Variants in NELL1 observed in about 807,000 individuals in gnomAD.
NELL1 encodes the protein protein kinase C-binding protein NELL1.
In NELL1, 76 loss-of-function variants were observed where a neutral mutation model predicts 107.4. The ratio of observed to expected loss-of-function variants is 0.71; its 90% confidence interval spans 0.59 to 0.86. The LOEUF is 0.86. Ranked by LOEUF, NELL1 falls within the 40% of genes least tolerant of loss-of-function variation. The probability of loss-of-function intolerance (pLI) is 0.00; values close to 1 mark genes in which losing one functional copy is unlikely to be tolerated. For missense variants in NELL1, 1,024 were observed against 1,005.5 expected (o/e 1.02, Z -0.25); for synonymous variants, 353 against 341.2 (o/e 1.03, Z -0.38).
intron 5 of NELL1, among the ~76,000 whole-genome samples, chr11:20,889,973 C>G (rs1231083483): frequency 6.6e-6 from 1 of 152,184 alleles, no homozygotes; most frequent in Admixed American, 6.5e-5. Flanking sequence ...GGTTTCCCCC[C>G]AGCAAAGCAC....
At chr11:21,123,991 C>T (rs1855430973) in intron 13 of NELL1, among the ~76,000 whole-genome samples, 1 of 152,026 alleles carries the variant, frequency 6.6e-6, no homozygotes, top group South Asian at 2.1e-4. Flanking sequence ...AATACATATG[C>T]ACATACACAT....
intron 13 of NELL1, among the ~76,000 whole-genome samples, chr11:21,131,187 T>G (rs1187751224): frequency 1.3e-5 from 2 of 152,152 alleles, no homozygotes; most frequent in Non-Finnish European, 2.9e-5. Context: ...GAAAATCATC[T>G]CTAATATGAG....
intron 15 of NELL1, among the ~76,000 whole-genome samples, chr11:21,508,947 G>A (rs1855366835): frequency 1.3e-5 from 2 of 152,054 alleles, no homozygotes; most frequent in South Asian, 4.1e-4. Context: ...ATTACCTTAT[G>A]TCCCTCAAAG....
At chr11:21,087,115 A>G (rs186590953) in intron 12 of NELL1, among the ~76,000 whole-genome samples, 1 of 152,350 alleles carries the variant, frequency 6.6e-6, no homozygotes, top group Admixed American at 6.5e-5. Flanking sequence ...CTGGGATTAC[A>G]GGCGTAAGGC....
At chr11:21,135,343 T>A (rs1230068034) in intron 13 of NELL1, among the ~76,000 whole-genome samples, 1 of 152,240 alleles carries the variant, frequency 6.6e-6, no homozygotes, top group Non-Finnish European at 1.5e-5. Context: ...GGATGTTAAC[T>A]CATGAAGAAC....
intron 3 of NELL1, among the ~76,000 whole-genome samples, chr11:20,796,063 A>G (rs971673411): frequency 6.6e-6 from 1 of 152,156 alleles, no homozygotes; most frequent in Non-Finnish European, 1.5e-5. Context: ...CAAGGCTCTC[A>G]GTAAATGTCA....
intron 4 of NELL1, among the ~76,000 whole-genome samples, chr11:20,878,687 A>G (rs1033001838): frequency 6.6e-6 from 1 of 152,196 alleles, no homozygotes; most frequent in African/African-American, 2.4e-5. Context: ...GTCACATTTG[A>G]CTATTTTTCT....
chr11:21,288,219 A>G (rs1282914804), intron 14 of NELL1, among the ~76,000 whole-genome samples: 1 of 152,166 alleles, frequency 6.6e-6, no homozygotes, highest in African/African-American at 2.4e-5. Flanking sequence ...AATCTATTGC[A>G]AAATGCTCTT....
At chr11:21,145,715 T>C (rs920022757) in intron 13 of NELL1, among the ~76,000 whole-genome samples, 1 of 152,168 alleles carries the variant, frequency 6.6e-6, no homozygotes, top group African/African-American at 2.4e-5. Flanking sequence ...GGCCCGTCCT[T>C]AACCTTTATA....
intron 2 of NELL1, among the ~76,000 whole-genome samples, chr11:20,735,038 TC>T: frequency 6.6e-6 from 1 of 152,174 alleles, no homozygotes; most frequent in East Asian, 1.9e-4. Context: ...CCTAGACTGA[TC>T]CCGGGATCTC....
At chr11:21,411,843 G>A (rs920131023) in intron 15 of NELL1, among the ~76,000 whole-genome samples, 1 of 152,102 alleles carries the variant, frequency 6.6e-6, no homozygotes, top group Non-Finnish European at 1.5e-5. Context: ...GTGTGAATAA[G>A]TCAGACAGTG....
intron 5 of NELL1, among the ~76,000 whole-genome samples, chr11:20,913,379 G>A (rs1249088005): frequency 6.6e-6 from 1 of 152,112 alleles, no homozygotes; most frequent in Admixed American, 6.6e-5. Flanking sequence ...TGGTGGTGAA[G>A]CTGCTTTTGT....
chr11:21,077,026 G>A (rs574456526), intron 12 of NELL1, among the ~76,000 whole-genome samples: 2 of 152,092 alleles, frequency 1.3e-5, no homozygotes, highest in African/African-American at 2.4e-5. Flanking sequence ...TTTCTTTATA[G>A]CAACACAATG....
At chr11:20,757,296 T>G (rs910286289) in intron 2 of NELL1, among the ~76,000 whole-genome samples, 1 of 152,286 alleles carries the variant, frequency 6.6e-6, no homozygotes, top group Non-Finnish European at 1.5e-5. Context: ...CCAATCAGAA[T>G]TCACTCAGTT....
At chr11:21,301,451 A>G (rs183480117) in intron 14 of NELL1, among the ~76,000 whole-genome samples, 310 of 151,190 alleles carry the variant, frequency 2.1e-3, no homozygotes, top group Middle Eastern at 6.8e-3. Context: ...CTGGCATGCA[A>G]TGGTATCTCA....
intron 2 of NELL1, among the ~76,000 whole-genome samples, chr11:20,687,633 C>T (rs763470469): frequency 3.3e-5 from 5 of 151,756 alleles, no homozygotes; most frequent in African/African-American, 4.8e-5. Context: ...GCTCTGTCAC[C>T]CAAGTTGTAG....
intron 12 of NELL1, among the ~76,000 whole-genome samples, chr11:20,988,437 A>C (rs1246948902): frequency 7.6e-6 from 1 of 131,084 alleles, no homozygotes; most frequent in Non-Finnish European, 1.7e-5. Context: ...GTGTATATAT[A>C]TCTATATATA....
intron 12 of NELL1, among the ~76,000 whole-genome samples, chr11:21,093,396 T>C (rs1316011622): frequency 6.6e-6 from 1 of 152,316 alleles, no homozygotes; most frequent in African/African-American, 2.4e-5. Flanking sequence ...GTTGTACTTC[T>C]TCTTTGGCCA....
chr11:21,240,209 T>A (rs1858317032), intron 14 of NELL1, among the ~76,000 whole-genome samples: 1 of 152,102 alleles, frequency 6.6e-6, no homozygotes, highest in Admixed American at 6.6e-5. Context: ...TTAGATGAAC[T>A]GTTCATATTG....
Sources: allele counts gnomAD v4.1 joint callset (sites outside exome capture counted in the v4.1 genomes callset), GRCh38; gene constraint gnomAD v4.1.1; transcripts MANE v1.5; gene names NCBI Gene and HGNC (gene_info 2026-07-23, HGNC 2026-07-21).